ZDHHC15: variants seen among roughly 807,000 people sequenced by gnomAD.
ZDHHC15 encodes zDHHC palmitoyltransferase 15.
In ZDHHC15, 19 loss-of-function variants were observed where a neutral mutation model predicts 31.7. The observed-to-expected ratio is 0.60, with a 90% CI of 0.42 to 0.88. ZDHHC15 has a LOEUF of 0.88. ZDHHC15 is among the 40% of genes least tolerant of loss of function. ZDHHC15 has a pLI of 0.00. For missense variants in ZDHHC15, 209 were observed against 251.2 expected (o/e 0.83, Z 1.14); for synonymous variants, 103 against 90.0 (o/e 1.14, Z -0.82).
intron 10 of ZDHHC15, among the ~76,000 whole-genome samples, chrX:75,388,928 A>G (rs759007112): frequency 3.6e-5 from 4 of 111,960 alleles, no homozygotes; most frequent in Non-Finnish European, 5.6e-5. Flanking sequence ...TGGTTTCAAC[A>G]TCATTTTAAG....
chrX:75,496,747 C>A (rs776967839), intron 2 of ZDHHC15, among the ~76,000 whole-genome samples: 78 of 111,566 alleles, frequency 7.0e-4, no homozygotes, highest in Non-Finnish European at 9.4e-4. Flanking sequence ...TAATCTGCTC[C>A]TGGATCAACA....
chrX:75,472,957 T>A (rs2084527344), intron 3 of ZDHHC15, among the ~76,000 whole-genome samples: 1 of 111,493 alleles, frequency 9.0e-6, no homozygotes, highest in Non-Finnish European at 1.9e-5. Context: ...TGGGCAGAGG[T>A]TTTTCCTCAC....
At position 75,462,909 on chromosome X, in the gene ZDHHC15, A is replaced by C. The variant is rs765583117; in HGVS notation, c.259-11987T>G. 2.7e-5 allele frequency among the ~76,000 whole-genome samples: 3 copies of C among 111,477 alleles called. No homozygotes were observed. The East Asian group carries it at 8.5e-4, about 32-fold the overall frequency. ...CACCAAAGCTAGCAGAAGACGAGAA[A>C]TAGCCAAGATCAGAGCTGAACTGAA... On this transcript the variant is annotated intron_variant, in intron 3 of 11. Transcript: ENST00000373367.
At chrX:75,427,255 C>G (rs759394776) in intron 7 of ZDHHC15, among the ~76,000 whole-genome samples, 5 of 105,652 alleles carry the variant, frequency 4.7e-5, no homozygotes, top group Non-Finnish European at 9.8e-5. Flanking sequence ...ATTTCCTTGC[C>G]TCTCATCTGT....
In ZDHHC15 at chrX:75,390,355, G is replaced by A. The variant is rs1375885929; in HGVS notation, c.968-11157C>T. 2.3e-4 allele frequency among the ~76,000 whole-genome samples: 26 copies of A among 111,791 alleles called. No individual in the cohort carries two copies. In the Admixed American group the frequency reaches 2.5e-3, roughly 11 times the overall value. ...AACCTGCTGATTGTAGAGCCCTAGG[G>A]CCTTGAGAGAATATAGGCAGTAGTT... On this transcript the variant is annotated intron_variant, in intron 10 of 11. Transcript: ENST00000373367.
Position 75,522,993 on chromosome X carries a change from CCAGA to C in ZDHHC15, c.28_31del (p.Ser10GlyfsTer36). ...TACCCGGCGGCAGCACCGCAGCCCC[CCAGA>C]CAGAGCCATCTTCCAGCCTCGCCGC... On this transcript the variant is annotated frameshift_variant, in exon 1 of 12. Coordinates refer to ENST00000373367, the MANE Select transcript of ZDHHC15 (RefSeq NM_144969.3). LOFTEE classifies it high-confidence loss of function. The C allele has an allele frequency of 8.3e-7, 1 of 1,210,877 alleles. No homozygotes were observed. Among genetic ancestry groups the C allele is most frequent in the Non-Finnish European group, 1.1e-6 (1 of 895,071 alleles).
Position 75,429,060 on chromosome X carries a change from A to G in ZDHHC15, c.603+18T>C. The G allele has an allele frequency of 8.3e-7, 1 of 1,207,279 alleles. No individual in the cohort carries two copies. Among genetic ancestry groups the G allele is most frequent in the Non-Finnish European group, 1.1e-6 (1 of 893,671 alleles). ...GTGCATTTGTTCTAGGGGACCCTTC[A>G]GGATATTTTTAACTTACTCTCCAGT... On this transcript the variant is annotated intron_variant, in intron 7 of 11. Transcript: ENST00000373367.
intron 3 of ZDHHC15, among the ~76,000 whole-genome samples, chrX:75,459,525 A>G (rs2084278895): frequency 1.8e-5 from 2 of 111,436 alleles, no homozygotes; most frequent in Admixed American, 1.9e-4. Flanking sequence ...CCCAACAGTG[A>G]AGCGTACCTA....
At chrX:75,465,647 C>T (rs1023755203) in intron 3 of ZDHHC15, among the ~76,000 whole-genome samples, 7 of 111,263 alleles carry the variant, frequency 6.3e-5, no homozygotes, top group Admixed American at 9.6e-5. Flanking sequence ...TAAGACCACA[C>T]GCCAAAAACA....
At chrX:75,428,328 C>A (rs1006150094) in intron 7 of ZDHHC15, among the ~76,000 whole-genome samples, 1 of 111,915 alleles carries the variant, frequency 8.9e-6, no homozygotes, top group African/African-American at 3.2e-5. Flanking sequence ...ATAAAAAAAT[C>A]TGCCTTAAGT....
At chrX:75,455,712 C>A (rs1249997949) in intron 3 of ZDHHC15, among the ~76,000 whole-genome samples, 4 of 112,087 alleles carry the variant, frequency 3.6e-5, no homozygotes, top group Non-Finnish European at 7.5e-5. Context: ...AGGATATGAA[C>A]AGACACTTTT....
chrX:75,418,921 C>A (rs1446549371), intron 9 of ZDHHC15, among the ~76,000 whole-genome samples: 1 of 112,156 alleles, frequency 8.9e-6, no homozygotes, highest in African/African-American at 3.2e-5. Flanking sequence ...AACAAAACAT[C>A]AAAAGCAATG....
intron 10 of ZDHHC15, among the ~76,000 whole-genome samples, chrX:75,394,778 A>T (rs2083282569): frequency 8.9e-6 from 1 of 111,868 alleles, no homozygotes; most frequent in Admixed American, 9.5e-5. Context: ...ACAGCTGGAG[A>T]CTTCAATACC....
At chrX:75,383,268 T>C (rs182024052) in intron 10 of ZDHHC15, among the ~76,000 whole-genome samples, 19 of 112,554 alleles carry the variant, frequency 1.7e-4, no homozygotes, top group Non-Finnish European at 2.4e-4. Context: ...TCAACAAATG[T>C]TAGTTGCACA....
chrX:75,414,782 T>TC (rs2083529991), intron 10 of ZDHHC15, among the ~76,000 whole-genome samples: 1 of 103,944 alleles, frequency 9.6e-6, no homozygotes, highest in Non-Finnish European at 2.0e-5. Context: ...CGTTTTTTTT[T>TC]TGAGACAGAG....
intron 3 of ZDHHC15, among the ~76,000 whole-genome samples, chrX:75,467,297 T>C (rs2147950042): frequency 8.9e-6 from 1 of 112,068 alleles, no homozygotes; most frequent in Admixed American, 9.5e-5. Context: ...TTCCTTATAG[T>C]ACACTGCACC....
At chrX:75,411,338 G>A (rs2083483378) in intron 10 of ZDHHC15, among the ~76,000 whole-genome samples, 1 of 110,377 alleles carries the variant, frequency 9.1e-6, no homozygotes, top group Admixed American at 9.6e-5. Context: ...TCAGCCTCCC[G>A]AGTAGCTGAG....
chrX:75,373,453 G>A (rs2083021899), intron 11 of ZDHHC15, among the ~76,000 whole-genome samples: 1 of 110,568 alleles, frequency 9.0e-6, no homozygotes, highest in Admixed American at 9.7e-5. Context: ...ACAATATCTG[G>A]CATATAGTAG....
At position 75,437,082 on chromosome X, in the gene ZDHHC15, C is replaced by A. The variant is rs941274745; in HGVS notation, c.380-5562G>T. ...GTTTTTAGTAGAGATGGGGTTTCACCGTGTTAGCCAGGATGGTCTTGATCG... is the reference window on the plus strand; with the variant it reads ...GTTTTTAGTAGAGATGGGGTTTCACAGTGTTAGCCAGGATGGTCTTGATCG... On this transcript the variant is annotated intron_variant, in intron 4 of 11. Transcript: ENST00000373367. Among the ~76,000 whole-genome samples, 7 of 109,954 alleles carry A rather than the reference C, an allele frequency of 6.4e-5. No homozygotes were observed. The South Asian group carries it at 2.8e-3, about 43-fold the overall frequency.
Sources: gnomAD v4.1 joint callset for allele counts (sites outside exome capture counted in the v4.1 genomes callset) on GRCh38, gnomAD v4.1.1 for gene constraint, MANE v1.5 for transcripts, NCBI Gene and HGNC (gene_info 2026-07-23, HGNC 2026-07-21) for gene names.